Variants in SLC24A3 observed in about 807,000 individuals in gnomAD.
SLC24A3 encodes the protein solute carrier family 24 member 3.
Under a neutral mutation model 75.8 loss-of-function variants are expected in SLC24A3, and 28 were observed. The ratio of observed to expected loss-of-function variants is 0.37; its 90% CI spans 0.27 to 0.51. The LOEUF (loss-of-function observed/expected upper bound fraction) is 0.51, where lower values mean the gene tolerates loss of function less well. SLC24A3 is among the 20% of genes least tolerant of loss of function. SLC24A3 has a pLI of 0.94. For synonymous variants in SLC24A3, 372 were observed against 334.1 expected (o/e 1.11, Z -1.24); for missense variants, 663 against 847.8 (o/e 0.78, Z 2.71).
intron 1 of SLC24A3, among the ~76,000 whole-genome samples, chr20:19,277,866 C>G (rs1398440199): frequency 6.6e-6 from 1 of 152,160 alleles, no homozygotes; most frequent in East Asian, 1.9e-4. Flanking sequence ...AAGGGATACT[C>G]CTGCTTCTTT....
chr20:19,292,907 C>T (rs1983976034), intron 2 of SLC24A3, among the ~76,000 whole-genome samples: 1 of 152,232 alleles, frequency 6.6e-6, no homozygotes, highest in Non-Finnish European at 1.5e-5. Context: ...TCTGTCCTCA[C>T]ACTGAGGAAG....
At chr20:19,501,357 A>C (rs1407237872) in intron 2 of SLC24A3, among the ~76,000 whole-genome samples, 1 of 152,210 alleles carries the variant, frequency 6.6e-6, no homozygotes, top group Non-Finnish European at 1.5e-5. Flanking sequence ...TAATGGCCGG[A>C]CTTGGTCAAA....
chr20:19,501,889 G>T (rs762100664), intron 2 of SLC24A3, among the ~76,000 whole-genome samples: 1 of 152,110 alleles, frequency 6.6e-6, no homozygotes, highest in Non-Finnish European at 1.5e-5. Flanking sequence ...TCCCTAGGCT[G>T]TTATTTACCA....
intron 6 of SLC24A3, among the ~76,000 whole-genome samples, chr20:19,647,858 CTTGT>C (rs1241114780): frequency 2.6e-5 from 4 of 152,268 alleles, no homozygotes; most frequent in African/African-American, 7.2e-5. Flanking sequence ...CCACTAGAAG[CTTGT>C]TTATTTGTCA....
chr20:19,569,804 G>C (rs1427530774), intron 3 of SLC24A3, among the ~76,000 whole-genome samples: 1 of 152,178 alleles, frequency 6.6e-6, no homozygotes, highest in Non-Finnish European at 1.5e-5. Context: ...TGCACCTTCA[G>C]GCCAAAGGTT....
intron 1 of SLC24A3, among the ~76,000 whole-genome samples, chr20:19,225,004 G>C (rs1314727624): frequency 2.0e-5 from 3 of 152,150 alleles, no homozygotes; most frequent in African/African-American, 4.8e-5. Flanking sequence ...TGACAAAAAA[G>C]AGATTTGTTT....
intron 2 of SLC24A3, among the ~76,000 whole-genome samples, chr20:19,491,983 C>CT (rs35969814): frequency 0.45 from 67,635 of 151,796 alleles, 15,525 homozygotes; most frequent in African/African-American, 0.55. Flanking sequence ...AAGGGCCCCC[C>CT]CTTCACCCCT....
At chr20:19,430,305 A>G (rs185715383) in intron 2 of SLC24A3, among the ~76,000 whole-genome samples, 181 of 152,300 alleles carry the variant, frequency 1.2e-3, no homozygotes, top group Non-Finnish European at 1.7e-3. Context: ...AGAGAAGATC[A>G]ATAATCAAAA....
chr20:19,681,263 T>C (rs977312928), intron 9 of SLC24A3, among the ~76,000 whole-genome samples: 2 of 152,170 alleles, frequency 1.3e-5, no homozygotes, highest in African/African-American at 4.8e-5. Flanking sequence ...TAAGGGCCCA[T>C]TGGATCTGAA....
At chr20:19,516,478 G>A (rs2029990857) in intron 3 of SLC24A3, among the ~76,000 whole-genome samples, 1 of 152,250 alleles carries the variant, frequency 6.6e-6, no homozygotes. Context: ...GGTTGTTTGT[G>A]TTGAGTGCTC....
intron 2 of SLC24A3, among the ~76,000 whole-genome samples, chr20:19,323,598 G>C (rs1264937872): frequency 1.3e-5 from 2 of 152,172 alleles, no homozygotes; most frequent in Non-Finnish European, 2.9e-5. Flanking sequence ...CCTGCTGCAG[G>C]GAAGTCCTCA....
chr20:19,462,624 T>C (rs1428394797), intron 2 of SLC24A3, among the ~76,000 whole-genome samples: 2 of 152,202 alleles, frequency 1.3e-5, no homozygotes, highest in Non-Finnish European at 2.9e-5. Flanking sequence ...CACGTGCTTG[T>C]GCGCTCCTGG....
intron 2 of SLC24A3, among the ~76,000 whole-genome samples, chr20:19,346,009 A>G (rs1985387636): frequency 6.9e-6 from 1 of 144,434 alleles, no homozygotes; most frequent in Non-Finnish European, 1.5e-5. Context: ...ACAATTTGCA[A>G]TTGCAAAAAT....
In SLC24A3 at chr20:19,417,561, C is replaced by T. The variant is rs374065281; in HGVS notation, c.272-97927C>T. On this transcript the variant is annotated intron_variant, in intron 2 of 16. Coordinates refer to ENST00000328041, the MANE Select transcript of SLC24A3 (RefSeq NM_020689.4). ...AAGCAAGCTGATTCACATTGAGAAA[C>T]CTTGAAAGCTTCAGAAATCAGGGTG... is the stretch of plus-strand genomic sequence containing the variant. 1.6e-4 allele frequency among the ~76,000 whole-genome samples: 24 copies of T among 152,252 alleles called. 1 individual carries two copies. In the South Asian group the frequency reaches 5.0e-3, roughly 32 times the overall value.
intron 2 of SLC24A3, among the ~76,000 whole-genome samples, chr20:19,361,861 A>G (rs190711534): frequency 6.6e-6 from 1 of 152,302 alleles, no homozygotes; most frequent in East Asian, 1.9e-4. Flanking sequence ...ATATCTTAAA[A>G]TTTTCCTAAT....
intron 2 of SLC24A3, among the ~76,000 whole-genome samples, chr20:19,321,928 C>G (rs1381789241): frequency 6.6e-6 from 1 of 152,144 alleles, no homozygotes; most frequent in Non-Finnish European, 1.5e-5. Context: ...CATTTGGATG[C>G]ATCCAGGCCT....
chr20:19,451,462 G>A (rs1883695), intron 2 of SLC24A3, among the ~76,000 whole-genome samples: 61,378 of 152,118 alleles, frequency 0.4, 12,527 homozygotes, highest in South Asian at 0.46. Context: ...CCCTTTGAGC[G>A]GAGCCAATCT....
chr20:19,640,069 G>A (rs1483995334), intron 6 of SLC24A3, among the ~76,000 whole-genome samples: 1 of 152,274 alleles, frequency 6.6e-6, no homozygotes, highest in Non-Finnish European at 1.5e-5. Context: ...GATCAGCCCA[G>A]AAAGGGGCTC....
At position 19,340,454 on chromosome 20, in the gene SLC24A3, G is replaced by A. The variant is rs549816398; in HGVS notation, c.271+59367G>A. Among the ~76,000 whole-genome samples the A allele has an allele frequency of 7.9e-5, 12 of 152,282 alleles. No homozygotes were observed. In the East Asian group the frequency reaches 1.4e-3, roughly 17 times the overall value. On this transcript the variant is annotated intron_variant, in intron 2 of 16. Coordinates refer to ENST00000328041, the MANE Select transcript of SLC24A3 (RefSeq NM_020689.4). ...AGCCTCCAGAACTGTCAGAGAATAC[G>A]TTTCCATGGTTTAAGCCAATCAGTC...
Sources: allele counts gnomAD v4.1 joint callset (sites outside exome capture counted in the v4.1 genomes callset), GRCh38; gene constraint gnomAD v4.1.1; transcripts MANE v1.5; gene names NCBI Gene and HGNC (gene_info 2026-07-23, HGNC 2026-07-21).